Variants in RBFOX1 observed in about 807,000 individuals in gnomAD.
RBFOX1 encodes the protein RNA binding fox-1 homolog 1, also known as RNA binding protein fox-1 homolog 1.
Under a neutral mutation model 57.7 loss-of-function variants are expected in RBFOX1, and 8 were observed. The ratio of observed to expected loss-of-function variants is 0.14; its 90% CI spans 0.08 to 0.25. RBFOX1 has a LOEUF of 0.25. RBFOX1 is among the 10% of genes least tolerant of loss of function. The pLI, the probability that RBFOX1 is intolerant of heterozygous loss-of-function variation, is 1.00. For missense variants in RBFOX1, 611 were observed against 548.5 expected (o/e 1.11, Z -1.14); for synonymous variants, 326 against 222.4 (o/e 1.47, Z -4.15).
At chr16:7,372,799 G>A (rs572392602) in intron 4 of RBFOX1, among the ~76,000 whole-genome samples, 8 of 151,868 alleles carry the variant, frequency 5.3e-5, no homozygotes, top group Non-Finnish European at 8.8e-5. Flanking sequence ...AAGAGAAGGA[G>A]GAAAAGAGAA....
chr16:7,064,520 G>A (rs1473246161), intron 4 of RBFOX1, among the ~76,000 whole-genome samples: 1 of 151,994 alleles, frequency 6.6e-6, no homozygotes, highest in African/African-American at 2.4e-5. Flanking sequence ...CGCACAAAGG[G>A]CAAACTACAT....
At chr16:6,466,374 C>G (rs894431980) in intron 2 of RBFOX1, among the ~76,000 whole-genome samples, 4 of 152,044 alleles carry the variant, frequency 2.6e-5, no homozygotes, top group African/African-American at 9.7e-5. Flanking sequence ...GAGGTACTTT[C>G]CCATATGTTA....
Position 5,710,897 on chromosome 16 carries a change from A to G in RBFOX1, c.318+111936A>G, listed in dbSNP as rs140096322. ...GATGACGGGTCCTCTTTGTCTTGGT[A>G]TGAGCAAGGAAAACATTAGCTTATG... On this transcript the variant is annotated intron_variant, in intron 3 of 19. Coordinates refer to the RBFOX1 transcript ENST00000641259. 3.1e-3 allele frequency among the ~76,000 whole-genome samples: 470 copies of G among 152,300 alleles called. 4 individuals carry two copies. The highest frequency in any genetic ancestry group is 0.011 in the African/African-American group (450 of 41,564).
chr16:6,787,618 G>A (rs751832279), intron 3 of RBFOX1, among the ~76,000 whole-genome samples: 5 of 152,064 alleles, frequency 3.3e-5, no homozygotes, highest in Admixed American at 6.5e-5. Flanking sequence ...CATCCACTGT[G>A]ACCTTGGAGG....
At chr16:5,249,075 C>A (rs1179745510) in intron 1 of RBFOX1, among the ~76,000 whole-genome samples, 9 of 151,278 alleles carry the variant, frequency 5.9e-5, no homozygotes, top group African/African-American at 1.9e-4. Flanking sequence ...CTTAAAGGCA[C>A]GGAAGAGGAA....
intron 1 of RBFOX1, among the ~76,000 whole-genome samples, chr16:6,031,281 G>T (rs2095285098): frequency 6.6e-6 from 1 of 152,144 alleles, no homozygotes; most frequent in South Asian, 2.1e-4. Context: ...AGAGGGCTCT[G>T]CACATCCTGA....
At chr16:7,462,143 G>C (rs1362768018) in intron 4 of RBFOX1, among the ~76,000 whole-genome samples, 5 of 152,278 alleles carry the variant, frequency 3.3e-5, no homozygotes, top group Middle Eastern at 3.4e-3. Flanking sequence ...AAGTTGTGGA[G>C]GGCTCCTGCC....
intron 1 of RBFOX1, among the ~76,000 whole-genome samples, chr16:5,444,653 A>C (rs1380196821): frequency 6.6e-6 from 1 of 152,062 alleles, no homozygotes; most frequent in African/African-American, 2.4e-5. Context: ...GGCTATACAG[A>C]ATGGCCAGAG....
intron 4 of RBFOX1, among the ~76,000 whole-genome samples, chr16:7,085,432 A>G (rs2059843852): frequency 6.6e-6 from 1 of 152,184 alleles, no homozygotes; most frequent in African/African-American, 2.4e-5. Flanking sequence ...TTATGTTTCA[A>G]AAAAGTATCG....
chr16:6,784,744 G>T (rs375813789), intron 3 of RBFOX1, among the ~76,000 whole-genome samples: 26 of 151,768 alleles, frequency 1.7e-4, no homozygotes, highest in African/African-American at 5.8e-4. Context: ...TGTTCAATTT[G>T]GTGTTCCTGT....
At chr16:6,968,497 A>C (rs2084794142) in intron 3 of RBFOX1, among the ~76,000 whole-genome samples, 1 of 152,126 alleles carries the variant, frequency 6.6e-6, no homozygotes, top group Non-Finnish European at 1.5e-5. Context: ...GCTTTGGCTG[A>C]AGTTCTCCCA....
intron 1 of RBFOX1, among the ~76,000 whole-genome samples, chr16:6,091,810 G>C (rs2096179126): frequency 6.6e-6 from 1 of 152,188 alleles, no homozygotes; most frequent in East Asian, 1.9e-4. Context: ...CACCCTGTAT[G>C]ACACAGTGAG....
intron 4 of RBFOX1, among the ~76,000 whole-genome samples, chr16:7,489,919 G>C (rs2151490988): frequency 6.6e-6 from 1 of 152,166 alleles, no homozygotes; most frequent in Middle Eastern, 3.4e-3. Flanking sequence ...TAAAAGTTAA[G>C]GTGAATTTTC....
chr16:6,824,466 A>G (rs1467467304), intron 3 of RBFOX1, among the ~76,000 whole-genome samples: 1 of 152,216 alleles, frequency 6.6e-6, no homozygotes, highest in African/African-American at 2.4e-5. Context: ...ATTGCTTTAA[A>G]TAGAAAATGG....
intron 3 of RBFOX1, among the ~76,000 whole-genome samples, chr16:6,993,861 C>G (rs976303847): frequency 2.0e-5 from 3 of 152,162 alleles, no homozygotes; most frequent in Admixed American, 6.5e-5. Flanking sequence ...GCAATACCAC[C>G]TCTTCCCCGA....
At chr16:6,943,549 A>G (rs1471646653) in intron 3 of RBFOX1, among the ~76,000 whole-genome samples, 2 of 152,066 alleles carry the variant, frequency 1.3e-5, no homozygotes, top group Non-Finnish European at 2.9e-5. Context: ...TCTACTAAAA[A>G]TACAAAAAAT....
At chr16:7,074,083 C>G (rs989094305) in intron 4 of RBFOX1, among the ~76,000 whole-genome samples, 1 of 152,044 alleles carries the variant, frequency 6.6e-6, no homozygotes, top group Admixed American at 6.6e-5. Flanking sequence ...ACCATATGGC[C>G]CACAGAGCCT....
At chr16:6,810,229 C>T (rs1250131925) in intron 3 of RBFOX1, among the ~76,000 whole-genome samples, 1 of 152,086 alleles carries the variant, frequency 6.6e-6, no homozygotes, top group East Asian at 1.9e-4. Context: ...ATGTCCATCC[C>T]TCTTTTTCTT....
intron 1 of RBFOX1, among the ~76,000 whole-genome samples, chr16:6,269,332 T>C (rs1185640441): frequency 6.6e-6 from 1 of 152,220 alleles, no homozygotes; most frequent in Non-Finnish European, 1.5e-5. Flanking sequence ...TGGTAGCATC[T>C]GTGGATATAG....
Sources: allele counts gnomAD v4.1 joint callset (sites outside exome capture counted in the v4.1 genomes callset), GRCh38; gene constraint gnomAD v4.1.1; transcripts MANE v1.5; gene names NCBI Gene and HGNC (gene_info 2026-07-23, HGNC 2026-07-21).